The following VIT variants were observed in gnomAD, a reference collection of about 807,000 sequenced individuals.
VIT encodes the protein vitrin.
VIT carries 99 observed loss-of-function variants against 78.0 expected under a neutral mutation model. The observed-to-expected ratio is 1.27, with a 90% CI of 1.08 to 1.50. The LOEUF is 1.50. Among genes scored for constraint, VIT ranks in the 40% most tolerant of loss-of-function variants. The pLI, the probability that VIT is intolerant of heterozygous loss-of-function variation, is 0.00. For missense variants in VIT, 1,126 were observed against 875.3 expected (o/e 1.29, Z -3.61); for synonymous variants, 374 against 334.3 (o/e 1.12, Z -1.29).
At chr2:36,698,751 C>G (rs1421839132) in intron 1 of VIT, among the ~76,000 whole-genome samples, 1 of 152,106 alleles carries the variant, frequency 6.6e-6, no homozygotes, top group Non-Finnish European at 1.5e-5. Context: ...CGAGACCAGC[C>G]TGGCCAACAT....
intron 2 of VIT, among the ~76,000 whole-genome samples, chr2:36,722,026 C>A (rs1344925292): frequency 6.6e-6 from 1 of 152,222 alleles, no homozygotes; most frequent in Non-Finnish European, 1.5e-5. Flanking sequence ...TATTTCTAAA[C>A]AAATAATTGT....
intron 11 of VIT, among the ~76,000 whole-genome samples, chr2:36,785,437 CACA>C (rs1036823040): frequency 3.3e-5 from 5 of 152,218 alleles, no homozygotes; most frequent in African/African-American, 1.2e-4. Flanking sequence ...CTTGGGAATC[CACA>C]ACATGATAAG....
chr2:36,698,947 A>AAAAAGAAAAG (rs1192289797), intron 1 of VIT, among the ~76,000 whole-genome samples: 3 of 151,864 alleles, frequency 2.0e-5, no homozygotes, highest in African/African-American at 7.3e-5. Context: ...TGGTCTCAAA[A>AAAAAGAAAAG]AAAAGAAAAG....
intron 1 of VIT, among the ~76,000 whole-genome samples, chr2:36,703,839 G>A (rs1035773855): frequency 2.0e-5 from 3 of 151,964 alleles, no homozygotes; most frequent in Non-Finnish European, 4.4e-5. Flanking sequence ...TGAGGTTTGG[G>A]ATAGAATTCT....
Position 36,767,133 on chromosome 2 carries a change from G to A in VIT, c.527G>A (p.Gly176Glu), listed in dbSNP as rs1385910757. 1 of 1,605,990 alleles carries A rather than the reference G, an allele frequency of 6.2e-7. No homozygotes were observed. Among genetic ancestry groups the A allele is most frequent in the East Asian group, 2.3e-5 (1 of 44,188 alleles). The change falls in exon 7 of 16, where the codon GGG becomes GAG. Residue 176 changes from glycine (G) to glutamate (E), a missense_variant. Physicochemically the swap from Gly to Glu is moderately conservative, Grantham distance 98 (BLOSUM62 -2). Transcript: ENST00000379242. ...GCCTATCAGAGGCCACCTATTCCAG[G>A]GACAACTGCACAGCCGGTCACTCTG... ...TKAYQRPPIP[G>E]TTAQPVTLMQ...
chr2:36,744,531 T>C (rs1183319805), intron 4 of VIT, among the ~76,000 whole-genome samples: 1 of 152,210 alleles, frequency 6.6e-6, no homozygotes, highest in African/African-American at 2.4e-5. Flanking sequence ...TGGTGTAAGA[T>C]GGTATCTCAT....
At chr2:36,759,740 T>G in intron 6 of VIT, 1 of 889,446 alleles carries the variant, frequency 1.1e-6, no homozygotes, top group South Asian at 5.1e-5. Context: ...AGCCTGATAG[T>G]TCAGGTTCTG....
chr2:36,725,295 T>C (rs932279558), intron 2 of VIT, among the ~76,000 whole-genome samples: 1 of 152,172 alleles, frequency 6.6e-6, no homozygotes, highest in African/African-American at 2.4e-5. Flanking sequence ...AAAACTGCTA[T>C]AGACTGAGTG....
intron 1 of VIT, among the ~76,000 whole-genome samples, chr2:36,714,318 A>C (rs1272209670): frequency 2.6e-5 from 4 of 152,242 alleles, no homozygotes; most frequent in Non-Finnish European, 5.9e-5. Flanking sequence ...GGGCCTAGCT[A>C]GTACTAGATG....
chr2:36,798,580 C>G lies in VIT; in HGVS notation c.1059-2721C>G, dbSNP rs544032341. 4.6e-4 allele frequency among the ~76,000 whole-genome samples: 70 copies of G among 152,192 alleles called. 1 individual carries two copies. The highest frequency in any genetic ancestry group is 3.4e-3 in the Middle Eastern group (1 of 294). On this transcript the variant is annotated intron_variant, in intron 12 of 15. Transcript: ENST00000379242. ...GACCAGCCTGGCCAACATAGTGAAACCCCGTCTCTATTAAAAATACAAAAA... is the reference window on the plus strand; with the variant it reads ...GACCAGCCTGGCCAACATAGTGAAAGCCCGTCTCTATTAAAAATACAAAAA...
chr2:36,706,559 C>T (rs1186145653), intron 1 of VIT, among the ~76,000 whole-genome samples: 1 of 152,194 alleles, frequency 6.6e-6, no homozygotes, highest in South Asian at 2.1e-4. Flanking sequence ...TCCTCTTATA[C>T]ATCTTATTCA....
chr2:36,801,509 G>A (rs779331257), intron 13 of VIT, 105 bp downstream of exon 13: 376 of 1,078,812 alleles, frequency 3.5e-4, no homozygotes, highest in Non-Finnish European at 4.5e-4. Context: ...ATAATAATCC[G>A]TCAAGAAATA....
intron 15 of VIT, 108 bp from the exon 16 acceptor site, chr2:36,814,075 A>T: frequency 7.4e-7 from 1 of 1,360,132 alleles, no homozygotes; most frequent in Non-Finnish European, 9.9e-7. Flanking sequence ...GTTTGGGCAT[A>T]TTTCTGATTT....
intron 1 of VIT, among the ~76,000 whole-genome samples, chr2:36,704,080 C>T (rs1041148653): frequency 1.3e-5 from 2 of 152,020 alleles, no homozygotes; most frequent in Non-Finnish European, 2.9e-5. Flanking sequence ...TGCACGCCAC[C>T]ATGCCTGGCT....
intron 1 of VIT, among the ~76,000 whole-genome samples, chr2:36,699,369 G>A (rs1010467770): frequency 2.4e-4 from 37 of 152,060 alleles, no homozygotes; most frequent in African/African-American, 8.9e-4. Flanking sequence ...GAGACTCTCT[G>A]TACATTGCTA....
chr2:36,703,345 C>T (rs1006599593), intron 1 of VIT, among the ~76,000 whole-genome samples: 2 of 151,938 alleles, frequency 1.3e-5, no homozygotes, highest in Admixed American at 6.6e-5. Flanking sequence ...TCCCCTACCC[C>T]CACCCCCCTA....
At chr2:36,775,650 G>A (rs543765034) in intron 9 of VIT, among the ~76,000 whole-genome samples, 5 of 151,968 alleles carry the variant, frequency 3.3e-5, no homozygotes, top group South Asian at 2.1e-4. Context: ...ACTCTGTCTC[G>A]ACCCACACAG....
intron 3 of VIT, among the ~76,000 whole-genome samples, chr2:36,742,291 A>C (rs1667881016): frequency 6.6e-6 from 1 of 152,194 alleles, no homozygotes; most frequent in African/African-American, 2.4e-5. Flanking sequence ...CAGCTTCAGC[A>C]AACTTGCCTA....
At position 36,774,056 on chromosome 2, in the gene VIT, C is replaced by G. The variant is rs893679697; in HGVS notation, c.736+209C>G. Among the ~76,000 whole-genome samples the G allele has an allele frequency of 5.3e-5, 8 of 152,294 alleles. No individual in the cohort carries two copies. The South Asian group carries it at 8.3e-4, about 16-fold the overall frequency. On this transcript the variant is annotated intron_variant, in intron 8 of 15. Transcript: ENST00000379242. ...GCAAAGCCCTGTCCCACTCTCTGTT[C>G]CCCTGAAGCGAGTCTGTAGAGGTTG...
Sources: allele counts gnomAD v4.1 joint callset (sites outside exome capture counted in the v4.1 genomes callset), GRCh38; gene constraint gnomAD v4.1.1; transcripts MANE v1.5; gene names NCBI Gene and HGNC (gene_info 2026-07-23, HGNC 2026-07-21).